The following GRID2 variants were observed in gnomAD, a reference collection of about 807,000 sequenced individuals.
GRID2 encodes glutamate receptor ionotropic, delta-2.
In GRID2, 33 loss-of-function variants were observed where a neutral mutation model predicts 114.8. The ratio of observed to expected loss-of-function variants is 0.29; its 90% CI spans 0.22 to 0.38. The LOEUF (loss-of-function observed/expected upper bound fraction) is 0.38. GRID2 is among the 10% of genes least tolerant of loss of function. The pLI is 1.00. For synonymous variants in GRID2, 505 were observed against 449.9 expected (o/e 1.12, Z -1.55); for missense variants, 1,184 against 1,257.7 (o/e 0.94, Z 0.89).
At chr4:93,449,009 C>CT (rs985449625) in intron 10 of GRID2, among the ~76,000 whole-genome samples, 4 of 147,152 alleles carry the variant, frequency 2.7e-5, no homozygotes, top group Non-Finnish European at 4.5e-5. Flanking sequence ...TCCTCCTTCC[C>CT]TTTTTTTTCC....
Position 92,365,654 on chromosome 4 carries a change from G to A in GRID2, c.88+60910G>A, listed in dbSNP as rs187293224. 5.3e-5 allele frequency among the ~76,000 whole-genome samples: 8 copies of A among 151,970 alleles called. No individual in the cohort carries two copies. In the East Asian group the frequency reaches 1.4e-3, roughly 26 times the overall value. On this transcript the variant is annotated intron_variant, in intron 1 of 15. Coordinates refer to ENST00000282020, the MANE Select transcript of GRID2 (RefSeq NM_001510.4). ...ACTAAGAAGAAAGTAAATTTCAAAC[G>A]TCTTACCACAGAAACTGAGTGATGC...
intron 2 of GRID2, among the ~76,000 whole-genome samples, chr4:92,911,668 T>A (rs1748392277): frequency 6.6e-6 from 1 of 151,954 alleles, no homozygotes; most frequent in Non-Finnish European, 1.5e-5. Flanking sequence ...ATGTTCCATC[T>A]GTGGTTTTCT....
chr4:92,930,101 C>T (rs558953309), intron 2 of GRID2, among the ~76,000 whole-genome samples: 7 of 151,190 alleles, frequency 4.6e-5, no homozygotes, highest in African/African-American at 9.7e-5. Context: ...ATAACTTTTT[C>T]GTAAATGAGG....
intron 2 of GRID2, among the ~76,000 whole-genome samples, chr4:92,939,029 G>C (rs1442199121): frequency 2.0e-5 from 3 of 147,120 alleles, no homozygotes; most frequent in Non-Finnish European, 4.5e-5. Flanking sequence ...AAACATACAT[G>C]TGTGGGTGTC....
intron 4 of GRID2, among the ~76,000 whole-genome samples, chr4:93,171,388 G>C (rs1738807862): frequency 6.6e-6 from 1 of 152,060 alleles, no homozygotes; most frequent in Non-Finnish European, 1.5e-5. Context: ...GGCTTTTTCT[G>C]ACTATCTAAA....
intron 13 of GRID2, among the ~76,000 whole-genome samples, chr4:93,617,963 G>A (rs1376147572): frequency 1.3e-5 from 2 of 151,394 alleles, no homozygotes; most frequent in Non-Finnish European, 1.5e-5. Flanking sequence ...TTGAGCCGTG[G>A]TATGGGTTTG....
At chr4:93,111,383 T>C (rs1230675854) in intron 4 of GRID2, among the ~76,000 whole-genome samples, 1 of 152,180 alleles carries the variant, frequency 6.6e-6, no homozygotes, top group Non-Finnish European at 1.5e-5. Context: ...ACAAAACATA[T>C]ACAGATTTAT....
intron 2 of GRID2, among the ~76,000 whole-genome samples, chr4:92,679,583 G>A (rs1380642170): frequency 6.6e-6 from 1 of 151,896 alleles, no homozygotes; most frequent in Non-Finnish European, 1.5e-5. Flanking sequence ...TCTTGAAAAA[G>A]CATATTGTTA....
chr4:92,687,968 G>A lies in GRID2; in HGVS notation c.244+97682G>A, dbSNP rs1733995561. 2.7e-5 allele frequency among the ~76,000 whole-genome samples: 4 copies of A among 147,750 alleles called. No individual in the cohort carries two copies. In the South Asian group the frequency reaches 6.6e-4, roughly 24 times the overall value. The stretch of plus-strand genomic sequence containing the variant: ...TCACAGTGGTGGTTGCTGAAGGTTG[G>A]GGATGCTGTGGCCATTTTTAAAAAT... On this transcript the variant is annotated intron_variant, in intron 2 of 15. Coordinates refer to ENST00000282020, the MANE Select transcript of GRID2 (RefSeq NM_001510.4).
chr4:93,434,027 A>G (rs1720830926), intron 10 of GRID2, among the ~76,000 whole-genome samples: 1 of 152,192 alleles, frequency 6.6e-6, no homozygotes, highest in Admixed American at 6.5e-5. Flanking sequence ...GACACATTTA[A>G]TACCCATGTG....
intron 8 of GRID2, among the ~76,000 whole-genome samples, chr4:93,246,381 A>T (rs542953075): frequency 1.3e-5 from 2 of 152,084 alleles, no homozygotes; most frequent in African/African-American, 4.8e-5. Context: ...AGGTCAGGAG[A>T]TCGAGATCAT....
At chr4:93,097,178 A>T (rs1560874941) in intron 3 of GRID2, among the ~76,000 whole-genome samples, 1 of 151,966 alleles carries the variant, frequency 6.6e-6, no homozygotes, top group Admixed American at 6.6e-5. Context: ...TTTAGTGGTA[A>T]TGGAAATATC....
chr4:92,439,459 G>T (rs957637535), intron 1 of GRID2, among the ~76,000 whole-genome samples: 6 of 151,966 alleles, frequency 3.9e-5, no homozygotes, highest in Middle Eastern at 3.2e-3. Context: ...TTAAAGTGTT[G>T]GGGTGGTGAA....
At chr4:92,893,580 C>T (rs899342398) in intron 2 of GRID2, among the ~76,000 whole-genome samples, 3 of 152,096 alleles carry the variant, frequency 2.0e-5, no homozygotes, top group Non-Finnish European at 4.4e-5. Context: ...AACATAGTAG[C>T]CCATGTGTAA....
chr4:92,392,488 G>A (rs532820490), intron 1 of GRID2, among the ~76,000 whole-genome samples: 35 of 152,040 alleles, frequency 2.3e-4, no homozygotes, highest in African/African-American at 7.5e-4. Flanking sequence ...GCAATGAGCC[G>A]GGATGGCACC....
rs539746547 is a variant in GRID2 at position 93,581,276 on chromosome 4, C to T, written c.2194-44993C>T. On this transcript the variant is annotated intron_variant, in intron 13 of 15. Transcript: ENST00000282020. ...GGTGAAAGGAGAATATTTTCTTATT[C>T]ATAAGTCTCACTGAAATGGGGCTTA... Among the ~76,000 whole-genome samples the T allele has an allele frequency of 1.2e-4, 19 of 152,044 alleles. 2 individuals are homozygous for T. The highest frequency in any genetic ancestry group is 4.1e-4 in the African/African-American group (17 of 41,456).
chr4:93,047,929 A>G (rs1393434582), intron 2 of GRID2, among the ~76,000 whole-genome samples: 3 of 152,068 alleles, frequency 2.0e-5, no homozygotes, highest in African/African-American at 7.2e-5. Flanking sequence ...CTGAGACCTA[A>G]GATTGTTTTC....
At chr4:92,768,060 A>G (rs1000880531) in intron 2 of GRID2, among the ~76,000 whole-genome samples, 4 of 152,146 alleles carry the variant, frequency 2.6e-5, no homozygotes, top group Non-Finnish European at 5.9e-5. Context: ...TTCATCCTCA[A>G]TAAGACATAT....
At chr4:92,320,232 T>A (rs550278912) in intron 1 of GRID2, among the ~76,000 whole-genome samples, 1 of 152,316 alleles carries the variant, frequency 6.6e-6, no homozygotes, top group African/African-American at 2.4e-5. Flanking sequence ...TTATTTTTCA[T>A]AGTGGTCAAT....
Sources: allele counts gnomAD v4.1 joint callset (sites outside exome capture counted in the v4.1 genomes callset), GRCh38; gene constraint gnomAD v4.1.1; transcripts MANE v1.5; gene names NCBI Gene and HGNC (gene_info 2026-07-23, HGNC 2026-07-21).